ADAMTSL1: variants seen among roughly 807,000 people sequenced by gnomAD.
The protein encoded by ADAMTSL1 is ADAMTS-like protein 1.
A neutral mutation model predicts 201.8 loss-of-function variants in ADAMTSL1; 126 were observed. The observed-to-expected ratio is 0.62, with a 90% CI of 0.54 to 0.72. The LOEUF (loss-of-function observed/expected upper bound fraction) is 0.72, where lower values mean the gene tolerates loss of function less well. ADAMTSL1 is among the 30% of genes least tolerant of loss of function. ADAMTSL1 has a pLI of 0.00. For synonymous variants in ADAMTSL1, 1,121 were observed against 903.4 expected (o/e 1.24, Z -4.32); for missense variants, 2,679 against 2,277.8 (o/e 1.18, Z -3.59).
intron 1 of ADAMTSL1, among the ~76,000 whole-genome samples, chr9:18,028,488 G>C (rs1048375317): frequency 6.6e-6 from 1 of 152,044 alleles, no homozygotes; most frequent in Non-Finnish European, 1.5e-5. Flanking sequence ...GAAATCCTCT[G>C]ATAGCCTAAT....
At chr9:18,159,039 A>G (rs1024660703) in intron 1 of ADAMTSL1, among the ~76,000 whole-genome samples, 3 of 152,076 alleles carry the variant, frequency 2.0e-5, no homozygotes, top group South Asian at 2.1e-4. Flanking sequence ...GTGCCAAGCA[A>G]GAACTCAAAA....
At chr9:18,360,073 C>T (rs1163628399) in intron 2 of ADAMTSL1, among the ~76,000 whole-genome samples, 1 of 152,008 alleles carries the variant, frequency 6.6e-6, no homozygotes, top group East Asian at 1.9e-4. Context: ...TGTATTATTG[C>T]TGTTGCTCAC....
intron 23 of ADAMTSL1, among the ~76,000 whole-genome samples, chr9:18,856,639 G>C (rs1274132375): frequency 3.3e-5 from 5 of 151,830 alleles, no homozygotes; most frequent in Non-Finnish European, 2.9e-5. Context: ...TGTATTTTTA[G>C]TAGACACAGG....
At chr9:18,056,938 C>T (rs945530023) in intron 1 of ADAMTSL1, among the ~76,000 whole-genome samples, 6 of 152,066 alleles carry the variant, frequency 3.9e-5, no homozygotes, top group East Asian at 3.8e-4. Context: ...CTTGTCAGGA[C>T]GGCAAATGCA....
chr9:17,924,823 G>T (rs550099184), intron 1 of ADAMTSL1, among the ~76,000 whole-genome samples: 36 of 59,484 alleles, frequency 6.1e-4, no homozygotes, highest in Admixed American at 2.1e-3. Flanking sequence ...AACACCAAAA[G>T]CAATGGCAAC....
In ADAMTSL1 at chr9:17,928,699, C is replaced by T. The variant is rs147431166; in HGVS notation, c.87+21777C>T. On this transcript the variant is annotated intron_variant, in intron 1 of 29. Transcript: ENST00000680146. Reference sequence around the variant, plus strand: ...CTGAGGAGGGAGGATTGCTTGAGGCCAGGAGTTCAAGACGAGCCTGGGTGA... The same window carrying T: ...CTGAGGAGGGAGGATTGCTTGAGGCTAGGAGTTCAAGACGAGCCTGGGTGA... Among the ~76,000 whole-genome samples the T allele has an allele frequency of 4.8e-3, 725 of 152,182 alleles. 7 individuals are homozygous for T. The highest frequency in any genetic ancestry group is 0.016 in the African/African-American group (684 of 41,526).
chr9:18,300,162 G>C (rs1833646686), intron 2 of ADAMTSL1, among the ~76,000 whole-genome samples: 1 of 152,152 alleles, frequency 6.6e-6, no homozygotes, highest in Non-Finnish European at 1.5e-5. Context: ...ACATGCACAT[G>C]TATGTTTATT....
rs533421555 is a variant in ADAMTSL1, at chr9:18,865,830, C to T, written c.4250-22001C>T. On this transcript the variant is annotated intron_variant, in intron 23 of 28. Transcript: ENST00000380548. ...GTCCTCCTCAGCCACCTCACTAACC[C>T]AAGCCCTTTAATAGCTGAGGCCTGG... Among the ~76,000 whole-genome samples, 5 of 152,224 alleles carry T rather than the reference C, an allele frequency of 3.3e-5. No individual in the cohort carries two copies. The South Asian group carries it at 1.0e-3, about 32-fold the overall frequency.
chr9:18,303,682 A>G (rs1186227282), intron 2 of ADAMTSL1, among the ~76,000 whole-genome samples: 1 of 152,194 alleles, frequency 6.6e-6, no homozygotes, highest in African/African-American at 2.4e-5. Context: ...AAAGGCAGGG[A>G]TGGGGGTATG....
At position 18,683,230 on chromosome 9, in the gene ADAMTSL1, G is replaced by GTTT. The variant is rs60751848; in HGVS notation, c.1489+1281_1489+1283dup. ...AGCTTCATTTACTGAGGTTTTTTTT[G>GTTT]TTTTTTTTTTTTGAGACGGAGTCTC... is the stretch of plus-strand genomic sequence containing the variant. On this transcript the variant is annotated intron_variant, in intron 12 of 28. Transcript: ENST00000380548. Among the ~76,000 whole-genome samples the GTTT allele has an allele frequency of 9.7e-4, 139 of 143,650 alleles. 2 individuals are homozygous for GTTT. The highest frequency in any genetic ancestry group is 1.8e-3 in the African/African-American group (71 of 39,024). 94.2% of individuals were successfully genotyped at this position (143,650 alleles called of 152,430 possible).
At chr9:18,160,312 C>G (rs1223806751) in intron 1 of ADAMTSL1, among the ~76,000 whole-genome samples, 2 of 152,154 alleles carry the variant, frequency 1.3e-5, no homozygotes, top group Non-Finnish European at 2.9e-5. Context: ...CTGGGAATCC[C>G]ATGGGACAAG....
At chr9:18,099,699 G>A (rs1323194919) in intron 1 of ADAMTSL1, among the ~76,000 whole-genome samples, 15 of 144,654 alleles carry the variant, frequency 1.0e-4, no homozygotes, top group Admixed American at 4.2e-4. Flanking sequence ...ATGCAGTGGC[G>A]CAATCTTGGC....
chr9:18,710,950 T>G (rs974650504), intron 14 of ADAMTSL1, among the ~76,000 whole-genome samples: 21 of 152,020 alleles, frequency 1.4e-4, no homozygotes, highest in Non-Finnish European at 3.1e-4. Context: ...CGTCCACCAT[T>G]TAAAATCTCA....
At chr9:18,280,244 G>T (rs1270709017) in intron 2 of ADAMTSL1, among the ~76,000 whole-genome samples, 1 of 152,098 alleles carries the variant, frequency 6.6e-6, no homozygotes, top group Non-Finnish European at 1.5e-5. Context: ...GTCCATGGGT[G>T]CTGGCCTGAA....
chr9:18,027,506 C>T (rs144667615), intron 1 of ADAMTSL1, among the ~76,000 whole-genome samples: 18 of 151,528 alleles, frequency 1.2e-4, no homozygotes, highest in African/African-American at 2.7e-4. Context: ...GTTTAGTTTC[C>T]GTGTAATTGT....
Position 18,449,296 on chromosome 9 carries a change from A to G in ADAMTSL1, c.208-55533A>G, listed in dbSNP as rs1178546230. Reference sequence around the variant, plus strand: ...TATAATTTAAAAATATAATTATATAATTTATATTTAAAAATCTAAATAGCT... The same window carrying G: ...TATAATTTAAAAATATAATTATATAGTTTATATTTAAAAATCTAAATAGCT... On this transcript the variant is annotated intron_variant, in intron 2 of 29. Transcript: ENST00000680146. 2.0e-5 allele frequency among the ~76,000 whole-genome samples: 3 copies of G among 150,870 alleles called. No individual in the cohort carries two copies. In the East Asian group the frequency reaches 5.8e-4, roughly 29 times the overall value.
chr9:17,960,567 A>G (rs753930364), intron 1 of ADAMTSL1, among the ~76,000 whole-genome samples: 39 of 152,184 alleles, frequency 2.6e-4, no homozygotes, highest in Non-Finnish European at 4.7e-4. Flanking sequence ...CATTCATTGT[A>G]TAAATACCAA....
intron 5 of ADAMTSL1, among the ~76,000 whole-genome samples, chr9:18,635,140 G>A (rs180791550): frequency 3.3e-5 from 5 of 151,564 alleles, no homozygotes; most frequent in Middle Eastern, 3.4e-3. Flanking sequence ...GTATAATTTA[G>A]GTGAAATTTA....
chr9:18,137,253 A>C (rs562352418), intron 1 of ADAMTSL1, among the ~76,000 whole-genome samples: 1 of 152,326 alleles, frequency 6.6e-6, no homozygotes, highest in East Asian at 1.9e-4. Flanking sequence ...CATTTTAAAT[A>C]GAAAATAAAT....
Sources: gnomAD v4.1 joint callset for allele counts (sites outside exome capture counted in the v4.1 genomes callset) on GRCh38, gnomAD v4.1.1 for gene constraint, MANE v1.5 for transcripts, NCBI Gene and HGNC (gene_info 2026-07-23, HGNC 2026-07-21) for gene names.